The following FCHO2 variants were observed in gnomAD, a reference collection of about 807,000 sequenced individuals.
The protein encoded by FCHO2 is F-BAR domain only protein 2.
FCHO2 carries 43 observed loss-of-function variants against 114.1 expected under a neutral mutation model. That is an observed-to-expected ratio of 0.38 (90% CI 0.30 to 0.49). The LOEUF (loss-of-function observed/expected upper bound fraction) is 0.49, where lower values mean the gene tolerates loss of function less well. Ranked by LOEUF, FCHO2 falls within the 20% of genes least tolerant of loss-of-function variation. FCHO2 has a pLI of 0.97. For missense variants in FCHO2, 807 were observed against 950.4 expected, an observed-to-expected ratio of 0.85 and a Z score of 1.98; for synonymous variants, 293 against 315.2, an observed-to-expected ratio of 0.93 and a Z score of 0.75.
At chr5:73,033,815 T>G (rs984308553) in intron 8 of FCHO2, among the ~76,000 whole-genome samples, 1 of 152,146 alleles carries the variant, frequency 6.6e-6, no homozygotes, top group African/African-American at 2.4e-5. Context: ...AATTTGATAT[T>G]TCACATATAT....
chr5:73,031,013 A>G lies in FCHO2; in HGVS notation c.797-3644A>G, dbSNP rs577571470. ...TCATTTACCTTTTATAAATGATACA[A>G]CCTAGGTTCAAAAAGAGCATCTAGT... On this transcript the variant is annotated intron_variant, in intron 8 of 25. Coordinates refer to ENST00000430046, the MANE Select transcript of FCHO2 (RefSeq NM_138782.3). 8.5e-5 allele frequency among the ~76,000 whole-genome samples: 13 copies of G among 152,300 alleles called. No individual in the cohort carries two copies. The South Asian group carries it at 2.7e-3, about 32-fold the overall frequency.
At chr5:72,963,625 T>C (rs551713516) in intron 1 of FCHO2, among the ~76,000 whole-genome samples, 54 of 152,194 alleles carry the variant, frequency 3.5e-4, no homozygotes, top group Admixed American at 1.9e-3. Context: ...CATAGCTCAC[T>C]GCAGCCTTGA....
chr5:73,065,864 G>A (rs1390349653), intron 18 of FCHO2, among the ~76,000 whole-genome samples: 2 of 151,808 alleles, frequency 1.3e-5, no homozygotes, highest in African/African-American at 4.8e-5. Context: ...GTACCCAACA[G>A]GTAATTTTTC....
intron 11 of FCHO2, among the ~76,000 whole-genome samples, chr5:73,049,889 T>C (rs1206043430): frequency 6.6e-6 from 1 of 152,180 alleles, no homozygotes; most frequent in Non-Finnish European, 1.5e-5. Context: ...CACATAGATA[T>C]ATACATACAT....
intron 1 of FCHO2, among the ~76,000 whole-genome samples, chr5:72,964,316 C>G (rs967601675): frequency 6.6e-6 from 1 of 152,058 alleles, no homozygotes; most frequent in African/African-American, 2.4e-5. Flanking sequence ...TTCAATCAAC[C>G]AACAAATATG....
Position 73,054,402 on chromosome 5 carries a change from T to G in FCHO2, c.1186-123T>G, listed in dbSNP as rs1458240214. Reference sequence around the variant, plus strand: ...CTCTATATCTTTTATGTAAATACACTTTACAATTGAGCAGATATACTAAAA... The same window carrying G: ...CTCTATATCTTTTATGTAAATACACGTTACAATTGAGCAGATATACTAAAA... On this transcript the variant is annotated intron_variant, in intron 14 of 25. Coordinates refer to ENST00000430046, the MANE Select transcript of FCHO2 (RefSeq NM_138782.3). The G allele has an allele frequency of 4.3e-6, 4 of 935,162 alleles. No homozygotes were observed. In the African/African-American group the frequency reaches 5.1e-5, roughly 12 times the overall value. The allele number at this position is 935,162 out of a possible 1,614,324, so 57.9% of individuals were successfully genotyped here.
In FCHO2 at chr5:73,022,090, A is replaced by G. The variant is rs140575853; in HGVS notation, c.796+4782A>G. Among the ~76,000 whole-genome samples the G allele has an allele frequency of 1.8e-3, 273 of 152,312 alleles. 2 individuals are homozygous for G. The highest frequency in any genetic ancestry group is 6.3e-3 in the African/African-American group (262 of 41,560). ...GATCCTGGATCACAAATCAAGTCAC[A>G]TGCTTTGGAAAAATTAGACTAGAAC... On this transcript the variant is annotated intron_variant, in intron 8 of 25. Coordinates refer to ENST00000430046, the MANE Select transcript of FCHO2 (RefSeq NM_138782.3).
chr5:73,050,067 G>A (rs1217977198), intron 11 of FCHO2, among the ~76,000 whole-genome samples: 8 of 151,802 alleles, frequency 5.3e-5, no homozygotes. Context: ...CTTGATCTTA[G>A]CCAAAAGGCC....
At chr5:73,020,954 G>A (rs768899253) in intron 8 of FCHO2, 15 of 1,595,152 alleles carry the variant, frequency 9.4e-6, no homozygotes, top group South Asian at 2.2e-5. Flanking sequence ...TTGTTGCTTC[G>A]GCTGTTGAGT....
intron 19 of FCHO2, among the ~76,000 whole-genome samples, chr5:73,070,593 T>C (rs1742594281): frequency 6.6e-6 from 1 of 151,498 alleles, no homozygotes; most frequent in East Asian, 1.9e-4. Context: ...CAGTTATCTT[T>C]AGATTATTCA....
intron 1 of FCHO2, among the ~76,000 whole-genome samples, chr5:72,965,830 G>A (rs968604651): frequency 6.6e-6 from 1 of 152,106 alleles, no homozygotes; most frequent in Non-Finnish European, 1.5e-5. Context: ...GTCCATAAGA[G>A]CTAAATTAAA....
Position 72,989,430 on chromosome 5 carries a change from T to C in FCHO2, c.129T>C (p.Ala43=). 6.2e-7 allele frequency: 1 copy of C among 1,603,586 alleles called. No individual in the cohort carries two copies. The highest frequency in any genetic ancestry group is 8.5e-7 in the Non-Finnish European group (1 of 1,174,432). Residue 43 remains alanine, a synonymous_variant, in exon 3 of 26, where the codon GCT becomes GCC. Coordinates refer to ENST00000430046, the MANE Select transcript of FCHO2 (RefSeq NM_138782.3). ...KELADFVRER[A]TIEEAYSRSM... is the part of the protein sequence containing the mutation. ...ATGTGGATATTTGATTTAACAGAGC[T>C]ACCATAGAGGAGGCATACTCCAGGT...
intron 11 of FCHO2, among the ~76,000 whole-genome samples, chr5:73,041,620 A>G (rs1756808433): frequency 6.6e-6 from 1 of 152,038 alleles, no homozygotes; most frequent in African/African-American, 2.4e-5. Context: ...TGTATACTTT[A>G]TTTTAAAATG....
chr5:73,035,093 G>A (rs1008201220), intron 9 of FCHO2, among the ~76,000 whole-genome samples: 10 of 152,128 alleles, frequency 6.6e-5, no homozygotes, highest in African/African-American at 2.2e-4. Flanking sequence ...TAATTGTACA[G>A]TGGGTAACAT....
At chr5:73,084,318 T>G (rs1011056373) in intron 24 of FCHO2, among the ~76,000 whole-genome samples, 6 of 152,174 alleles carry the variant, frequency 3.9e-5, no homozygotes, top group African/African-American at 1.2e-4. Flanking sequence ...CACTCTGGAG[T>G]GCAGCGGCAT....
chr5:72,995,039 T>C (rs1754009700), intron 5 of FCHO2, among the ~76,000 whole-genome samples: 1 of 152,118 alleles, frequency 6.6e-6, no homozygotes. Flanking sequence ...GGATGACGCA[T>C]AAGCTGTGCA....
At position 73,088,413 on chromosome 5, in the gene FCHO2, C is replaced by T. The variant is rs980840817; in HGVS notation, c.*323C>T. Reference sequence around the variant, plus strand: ...GAAAAAAAGGGTTATAGTGTAATATCAGGCCTAAAGTTTCAGAAGAGCAAG... The same window carrying T: ...GAAAAAAAGGGTTATAGTGTAATATTAGGCCTAAAGTTTCAGAAGAGCAAG... On this transcript the variant is annotated 3_prime_UTR_variant, in exon 26 of 26. Coordinates refer to ENST00000430046, the MANE Select transcript of FCHO2 (RefSeq NM_138782.3). 1.5e-5 allele frequency: 4 copies of T among 261,868 alleles called. No individual in the cohort carries two copies. The highest frequency in any genetic ancestry group is 2.2e-5 in the Non-Finnish European group (3 of 136,168). 16.2% of individuals were successfully genotyped at this position (261,868 alleles called of 1,614,324 possible).
At position 73,062,560 on chromosome 5, in the gene FCHO2, T is replaced by G. The variant is rs142265262; in HGVS notation, c.1346-1281T>G. On this transcript the variant is annotated intron_variant, in intron 17 of 25. Coordinates refer to ENST00000430046, the MANE Select transcript of FCHO2 (RefSeq NM_138782.3). ...TCCAGGGTACAGCTTCAAGTGTGAGTGCAGCATGAAAGAACTGGTACTGAC... is the reference window on the plus strand; with the variant it reads ...TCCAGGGTACAGCTTCAAGTGTGAGGGCAGCATGAAAGAACTGGTACTGAC... Among the ~76,000 whole-genome samples the G allele has an allele frequency of 2.8e-3, 425 of 152,158 alleles. 1 individual carries two copies. Among genetic ancestry groups the G allele is most frequent in the Non-Finnish European group, 4.9e-3 (336 of 67,960 alleles).
At position 72,956,134 on chromosome 5, in the gene FCHO2, GC is replaced by G. The variant is rs937893075; in HGVS notation, c.33+6del. ...TATTTCGTCGAGAATTTTTGGGTAA[GC>G]TTAGGATGTTGGAAGTCGTGTGTTT... is the stretch of plus-strand genomic sequence containing the variant. On this transcript the variant is annotated splice_donor_region_variant and intron_variant, in intron 1 of 25. Transcript: ENST00000430046. 9.1e-6 allele frequency: 14 copies of G among 1,537,378 alleles called. No homozygotes were observed. The Admixed American group carries it at 2.8e-4, about 31-fold the overall frequency.
Sources: allele counts gnomAD v4.1 joint callset (sites outside exome capture counted in the v4.1 genomes callset), GRCh38; gene constraint gnomAD v4.1.1; transcripts MANE v1.5; gene names NCBI Gene and HGNC (gene_info 2026-07-23, HGNC 2026-07-21).